SPTBN2: variants seen among roughly 807,000 people sequenced by gnomAD.
The protein encoded by SPTBN2 is spectrin beta chain, non-erythrocytic 2.
A neutral mutation model predicts 284.2 loss-of-function variants in SPTBN2; 107 were observed. The observed-to-expected ratio is 0.38, with a 90% CI of 0.32 to 0.44. The LOEUF (loss-of-function observed/expected upper bound fraction) is 0.44. Among genes scored for constraint, SPTBN2 ranks in the 20% least tolerant of loss-of-function variants. SPTBN2 has a pLI of 1.00. For synonymous variants in SPTBN2, 1,289 were observed against 1,354.8 expected (o/e 0.95, Z 1.07); for missense variants, 2,569 against 3,287.1 (o/e 0.78, Z 5.34).
In SPTBN2 at chr11:66,688,240, G is replaced by A. The variant is rs746646240; in HGVS notation, c.6303C>T (p.Pro2101=). The A allele has an allele frequency of 1.6e-5, 26 of 1,613,282 alleles. No individual in the cohort carries two copies. Among genetic ancestry groups the A allele is most frequent in the Middle Eastern group, 1.6e-4 (1 of 6,080 alleles). The change falls in exon 32 of 38, where the codon CCC becomes CCT. Residue 2101 remains proline (P), a synonymous_variant. Coordinates refer to ENST00000533211, the MANE Select transcript of SPTBN2 (RefSeq NM_006946.4). ...CTGGAGGCACACTGGCTGTGGGTTC[G>A]GGAGCAGGCGGCTGTTTCCGCCGCT... ...EEERRKQPPA[P]EPTASVPPGD...
chr11:66,705,011 A>C lies in SPTBN2; in HGVS notation c.2265T>G (p.Asp755Glu). 1.2e-6 allele frequency: 2 copies of C among 1,603,994 alleles called. No homozygotes were observed. The highest frequency in any genetic ancestry group is 3.3e-4 in the Middle Eastern group (2 of 6,060). Reference protein sequence around the residue: ...QAASLYQFQADANDMEAWLVD... With the variant: ...QAASLYQFQAEANDMEAWLVD... ...CCAACCAGGCCTCCATGTCGTTTGCATCGGCCTGGAACTGGTAGAGGCTGG... is the reference window on the plus strand; with the variant it reads ...CCAACCAGGCCTCCATGTCGTTTGCCTCGGCCTGGAACTGGTAGAGGCTGG... The change falls in exon 15 of 38, where the codon GAT (aspartate) becomes GAG (glutamate). Residue 755 changes from aspartate to glutamate, a missense_variant. Physicochemically the swap from Asp to Glu is conservative, Grantham distance 45. Coordinates refer to ENST00000533211, the MANE Select transcript of SPTBN2 (RefSeq NM_006946.4).
chr11:66,739,954 C>T (rs1942882830), intron 1 of SPTBN2, among the ~76,000 whole-genome samples: 1 of 152,148 alleles, frequency 6.6e-6, no homozygotes, highest in Non-Finnish European at 1.5e-5. Context: ...ATAGCTTGAA[C>T]CCAGGAGATG....
Position 66,698,873 on chromosome 11 carries a change from G to A in SPTBN2, c.3868-88C>T, listed in dbSNP as rs961830569. 2.0e-5 allele frequency: 32 copies of A among 1,598,662 alleles called. No homozygotes were observed. The African/African-American group carries it at 3.2e-4, about 16-fold the overall frequency. ...CCACAGTGAGCCAGGAGAAGTGGGC[G>A]CCTTGGGAAGAAGCCATGAAGGGGC... On this transcript the variant is annotated intron_variant, in intron 19 of 37. Transcript: ENST00000533211.
chr11:66,683,564 A>T lies in SPTBN2; in HGVS notation c.*2307T>A, dbSNP rs1475262737. On this transcript the variant is annotated 3_prime_UTR_variant, in exon 38 of 38. Transcript: ENST00000533211. Reference sequence around the variant, plus strand: ...CCTGACACTATGCTTCCCCTCTTCTATGTCCTGTTCTTAAGGAATCATGCC... The same window carrying T: ...CCTGACACTATGCTTCCCCTCTTCTTTGTCCTGTTCTTAAGGAATCATGCC... 6.6e-6 allele frequency among the ~76,000 whole-genome samples: 1 copy of T among 152,012 alleles called. No homozygotes were observed. Among genetic ancestry groups the T allele is most frequent in the African/African-American group, 2.4e-5 (1 of 41,382 alleles).
Position 66,685,666 on chromosome 11 carries a change from C to G in SPTBN2, c.*205G>C. 1.7e-6 allele frequency: 1 copy of G among 597,394 alleles called. No individual in the cohort carries two copies. Among genetic ancestry groups the G allele is most frequent in the Non-Finnish European group, 3.0e-6 (1 of 332,994 alleles). 37.0% of individuals were successfully genotyped at this position (597,394 alleles called of 1,614,324 possible). A position where few individuals can be genotyped will look rare whatever the true frequency, so the allele number is the denominator to read the frequency against. ...GGAGAGGGGGTTACCTGGGTCCCAC[C>G]ACCAGTCTGGAATTAAACAGCAGAA... is the stretch of plus-strand genomic sequence containing the variant. On this transcript the variant is annotated 3_prime_UTR_variant, in exon 38 of 38. Transcript: ENST00000533211. This position sits in a 1 kb window ranked among gnomAD's most constrained non-coding sequence, Gnocchi z 4.4.
chr11:66,722,869 CGA>C (rs1187393929), intron 1 of SPTBN2, among the ~76,000 whole-genome samples: 7 of 128,686 alleles, frequency 5.4e-5, no homozygotes, highest in African/African-American at 1.8e-4. Context: ...CTCCAGCCTG[CGA>C]GAGAGAGTGA....
chr11:66,717,618 G>A (rs1159978637), intron 3 of SPTBN2, among the ~76,000 whole-genome samples: 1 of 152,142 alleles, frequency 6.6e-6, no homozygotes, highest in Non-Finnish European at 1.5e-5. Context: ...AGGTCTACAG[G>A]CCCCATCTGA....
chr11:66,705,415 G>A lies in SPTBN2; in HGVS notation c.1861C>T (p.Gln621Ter). 1 of 1,613,028 alleles carries A rather than the reference G, an allele frequency of 6.2e-7. No individual in the cohort carries two copies. The highest frequency in any genetic ancestry group is 8.5e-7 in the Non-Finnish European group (1 of 1,180,026). The change falls in exon 15 of 38, where the codon CAG becomes TAG. Residue 621 changes from glutamine to a stop codon, truncating the protein, a stop_gained. Coordinates refer to ENST00000533211, the MANE Select transcript of SPTBN2 (RefSeq NM_006946.4). LOFTEE classifies it high-confidence loss of function. ...LVSERVAKLEQSYEALCELAA... is the reference protein window; with the variant it reads ...LVSERVAKLE The stretch of plus-strand genomic sequence containing the variant: ...AACTCGCACAGTGCCTCATAGCTCT[G>A]CTCTAGCTTGGCCACCCGCTCCGAC...
chr11:66,727,776 G>A (rs1942673621), intron 1 of SPTBN2, among the ~76,000 whole-genome samples: 1 of 151,584 alleles, frequency 6.6e-6, no homozygotes, highest in Non-Finnish European at 1.5e-5. Context: ...CCGGGCAGAG[G>A]CGGCCGAGCG....
chr11:66,710,840 C>T lies in SPTBN2; in HGVS notation c.886-71G>A. On this transcript the variant is annotated intron_variant, in intron 9 of 37. Coordinates refer to ENST00000533211, the MANE Select transcript of SPTBN2 (RefSeq NM_006946.4). This position sits in a 1 kb window ranked among gnomAD's most constrained non-coding sequence, Gnocchi z 4.9. Reference sequence around the variant, plus strand: ...CCTGGCCCAGTCCTGCAGCTCCACCCTGCCCTTGCACTAGGGCAGTAAGAC... The same window carrying T: ...CCTGGCCCAGTCCTGCAGCTCCACCTTGCCCTTGCACTAGGGCAGTAAGAC... 2 of 1,611,576 alleles carry T rather than the reference C, an allele frequency of 1.2e-6. No homozygotes were observed. The highest frequency in any genetic ancestry group is 1.7e-6 in the Non-Finnish European group (2 of 1,178,380).
At chr11:66,743,343 AT>A in intron 1 of SPTBN2, among the ~76,000 whole-genome samples, 1 of 152,158 alleles carries the variant, frequency 6.6e-6, no homozygotes, top group East Asian at 1.9e-4. Flanking sequence ...TCGATAGACA[AT>A]GTTCTTTGGA....
At chr11:66,697,691 C>G (rs1188065880) in intron 20 of SPTBN2, among the ~76,000 whole-genome samples, 1 of 152,168 alleles carries the variant, frequency 6.6e-6, no homozygotes, top group Non-Finnish European at 1.5e-5. Context: ...TCTCCTTATT[C>G]CCCAGGCTTC....
intron 1 of SPTBN2, among the ~76,000 whole-genome samples, chr11:66,737,549 T>C (rs1308160757): frequency 6.6e-6 from 1 of 151,866 alleles, no homozygotes; most frequent in Non-Finnish European, 1.5e-5. Context: ...AGAAAGGGAG[T>C]AGACTTTAGC....
chr11:66,713,772 G>C (rs1217984485), intron 7 of SPTBN2, 26 bp from the exon 8 acceptor site: 1 of 1,522,672 alleles, frequency 6.6e-7, no homozygotes, highest in Non-Finnish European at 9.1e-7. Context: ...AGACAGAAGG[G>C]ATCAGAAACA....
rs777864924 is a variant in SPTBN2, at chr11:66,687,999, G to T, written c.6450+5C>A. ...GATGGGGGCACAGAGGGACAGTGGG[G>T]TCACCTGTGAGGGCTCTCCATCTGT... On this transcript the variant is annotated splice_donor_5th_base_variant and intron_variant, in intron 33 of 37. Transcript: ENST00000533211. This position sits in a 1 kb window ranked among gnomAD's most constrained non-coding sequence, Gnocchi z 5.2. 2 of 1,614,090 alleles carry T rather than the reference G, an allele frequency of 1.2e-6. No individual in the cohort carries two copies. The highest frequency in any genetic ancestry group is 1.1e-5 in the South Asian group (1 of 91,092).
intron 18 of SPTBN2, 89 bp downstream of exon 18, chr11:66,699,317 G>C (rs952194002): frequency 6.6e-7 from 1 of 1,522,368 alleles, no homozygotes; most frequent in Non-Finnish European, 9.0e-7. Flanking sequence ...CCCATCTGTG[G>C]GTTTCCTGTG....
intron 1 of SPTBN2, among the ~76,000 whole-genome samples, chr11:66,727,287 G>A (rs1942652173): frequency 6.6e-6 from 1 of 152,200 alleles, no homozygotes; most frequent in Non-Finnish European, 1.5e-5. Context: ...CTGGTTTGTT[G>A]CTACCTCTGC....
At chr11:66,719,280 T>A (rs1437783895) in intron 3 of SPTBN2, among the ~76,000 whole-genome samples, 1 of 152,214 alleles carries the variant, frequency 6.6e-6, no homozygotes, top group Admixed American at 6.5e-5. Context: ...GCCAGCCCCT[T>A]CCCTGCCCTC....
chr11:66,713,577 G>T, intron 8 of SPTBN2, 54 bp downstream of exon 8: 1 of 1,450,626 alleles, frequency 6.9e-7, no homozygotes, highest in Non-Finnish European at 9.7e-7. Flanking sequence ...GCAACCACTG[G>T]TCCACCTCCT....
Sources: gnomAD v4.1 joint callset for allele counts (sites outside exome capture counted in the v4.1 genomes callset) on GRCh38, gnomAD v4.1.1 for gene constraint, Gnocchi (gnomAD v3.1) non-coding constraint, MANE v1.5 for transcripts, NCBI Gene and HGNC (gene_info 2026-07-23, HGNC 2026-07-21) for gene names.